The following LRRC49 variants were observed in gnomAD, a reference collection of about 807,000 sequenced individuals.
LRRC49 encodes leucine-rich repeat-containing protein 49.
A neutral mutation model predicts 83.3 loss-of-function variants in LRRC49; 50 were observed. The observed-to-expected ratio is 0.60, with a 90% CI of 0.48 to 0.76. The LOEUF is 0.76. Ranked by LOEUF, LRRC49 falls within the 30% of genes least tolerant of loss-of-function variation. LRRC49 has a pLI of 0.00. For synonymous variants in LRRC49, 286 were observed against 283.3 expected (o/e 1.01, Z -0.10); for missense variants, 704 against 809.1 (o/e 0.87, Z 1.58).
intron 3 of LRRC49, 138 bp from the exon 4 acceptor site, chr15:70,900,784 C>T: frequency 8.1e-6 from 5 of 614,640 alleles, no homozygotes; most frequent in Non-Finnish European, 1.5e-5. Flanking sequence ...TAATTAATTT[C>T]AAATATGGAG....
chr15:70,882,982 A>G (rs2033305088), intron 2 of LRRC49: 2 of 1,503,008 alleles, frequency 1.3e-6, no homozygotes, highest in Admixed American at 1.9e-5. Context: ...AGTTACAAGT[A>G]GTAAGACAGT....
At chr15:70,868,855 G>A (rs2141074458) in intron 1 of LRRC49, among the ~76,000 whole-genome samples, 1 of 152,334 alleles carries the variant, frequency 6.6e-6, no homozygotes, top group Non-Finnish European at 1.5e-5. Context: ...CATTGTGGGT[G>A]GTAGTACAAG....
chr15:71,032,972 C>T (rs531818725), intron 14 of LRRC49, among the ~76,000 whole-genome samples: 200 of 152,324 alleles, frequency 1.3e-3, no homozygotes, highest in African/African-American at 4.7e-3. Flanking sequence ...TGCCCTCTCT[C>T]ACTACTCCTA....
At chr15:71,029,322 T>C (rs2039275792) in intron 14 of LRRC49, among the ~76,000 whole-genome samples, 1 of 152,120 alleles carries the variant, frequency 6.6e-6, no homozygotes, top group Non-Finnish European at 1.5e-5. Context: ...ATTGTTCAAT[T>C]TCCATGTAGT....
At chr15:70,985,189 C>T (rs547062260) in intron 11 of LRRC49, among the ~76,000 whole-genome samples, 2 of 150,412 alleles carry the variant, frequency 1.3e-5, no homozygotes, top group African/African-American at 4.9e-5. Context: ...GTTCTAGATC[C>T]CTGAGGAATC....
chr15:70,980,699 T>G (rs543445438), intron 10 of LRRC49, among the ~76,000 whole-genome samples: 1 of 152,206 alleles, frequency 6.6e-6, no homozygotes, highest in Admixed American at 6.5e-5. Flanking sequence ...CAGATATTAA[T>G]TTCCTTAAAT....
intron 1 of LRRC49, among the ~76,000 whole-genome samples, chr15:70,863,700 T>A (rs779429419): frequency 2.7e-4 from 41 of 152,330 alleles, no homozygotes; most frequent in Admixed American, 4.6e-4. Flanking sequence ...GAGTAGCGTC[T>A]GATATGTGTT....
intron 7 of LRRC49, among the ~76,000 whole-genome samples, chr15:70,920,194 A>G (rs2034958478): frequency 6.6e-6 from 1 of 152,198 alleles, no homozygotes; most frequent in Non-Finnish European, 1.5e-5. Context: ...CTTGTAAAGA[A>G]CTAAGTGTAC....
intron 5 of LRRC49, among the ~76,000 whole-genome samples, chr15:70,908,930 T>C (rs2141118703): frequency 6.6e-6 from 1 of 152,350 alleles, no homozygotes; most frequent in Non-Finnish European, 1.5e-5. Flanking sequence ...TTAGCTTGTA[T>C]GATTAGAAGC....
intron 14 of LRRC49, among the ~76,000 whole-genome samples, chr15:71,018,797 C>G (rs1567101953): frequency 6.6e-6 from 1 of 152,164 alleles, no homozygotes; most frequent in Non-Finnish European, 1.5e-5. Flanking sequence ...CATCACATGC[C>G]AGTTGCAAGC....
chr15:70,940,508 G>T (rs2035774239), intron 8 of LRRC49, among the ~76,000 whole-genome samples: 1 of 152,182 alleles, frequency 6.6e-6, no homozygotes, highest in Non-Finnish European at 1.5e-5. Context: ...CTCCCAAAGT[G>T]CTGGGATTAC....
At chr15:70,943,884 G>C (rs2035911528) in intron 8 of LRRC49, among the ~76,000 whole-genome samples, 1 of 152,134 alleles carries the variant, frequency 6.6e-6, no homozygotes, top group East Asian at 1.9e-4. Flanking sequence ...ACAACTGCCT[G>C]ACCATCACCT....
At chr15:70,974,470 A>C (rs989839568) in intron 9 of LRRC49, among the ~76,000 whole-genome samples, 1 of 152,198 alleles carries the variant, frequency 6.6e-6, no homozygotes, top group African/African-American at 2.4e-5. Context: ...TTTTTCCTCC[A>C]GTCCATTCTA....
At chr15:70,914,036 T>TG (rs1423768585) in intron 6 of LRRC49, among the ~76,000 whole-genome samples, 6 of 151,856 alleles carry the variant, frequency 4.0e-5, no homozygotes, top group Admixed American at 6.6e-5. Flanking sequence ...AGTGCACAAA[T>TG]TACTTCTCAA....
chr15:70,882,685 G>C, intron 2 of LRRC49: 1 of 1,611,356 alleles, frequency 6.2e-7, no homozygotes, highest in South Asian at 1.1e-5. Flanking sequence ...CTATGAGTTA[G>C]ACTTTGCTTT....
chr15:71,040,062 CAA>C (rs1398839544), intron 15 of LRRC49, among the ~76,000 whole-genome samples: 1 of 152,062 alleles, frequency 6.6e-6, no homozygotes, highest in Non-Finnish European at 1.5e-5. Context: ...AAATGAATAA[CAA>C]ACATTATAGC....
Position 70,936,768 on chromosome 15 carries a change from T to C in LRRC49, c.719T>C (p.Val240Ala), listed in dbSNP as rs534825544. ...RHNQITFVRDVDNLPCLQHLF... is the reference protein window; with the variant it reads ...RHNQITFVRDADNLPCLQHLF... ...CTGTCTATTTTCTTCCAGAGAGATG[T>C]GGATAATTTGCCCTGCCTCCAACAT... Residue 240 changes from valine (V) to alanine (A), a missense_variant, in exon 8 of 16, where the codon GTG becomes GCG. Val to Ala is a moderately conservative substitution (Grantham distance 64). Around this residue, in one of 3 missense-constraint regions of LRRC49, gnomAD observed 261 missense variants for 330.5 expected, o/e 0.79. Coordinates refer to ENST00000260382, the MANE Select transcript of LRRC49 (RefSeq NM_017691.5). 1 of 1,607,122 alleles carries C rather than the reference T, an allele frequency of 6.2e-7. No individual in the cohort carries two copies. The highest frequency in any genetic ancestry group is 8.5e-7 in the Non-Finnish European group (1 of 1,174,040).
intron 1 of LRRC49, chr15:70,854,047 C>A: frequency 1.4e-6 from 2 of 1,428,560 alleles, no homozygotes; most frequent in South Asian, 1.4e-5. Flanking sequence ...TCTGCACCGC[C>A]GTCTTGGGCC....
chr15:70,882,798 T>G, intron 2 of LRRC49: 1 of 1,614,224 alleles, frequency 6.2e-7, no homozygotes, highest in South Asian at 1.1e-5. Context: ...AAGAAATTTG[T>G]GTACTTTTAT....
Sources: allele counts gnomAD v4.1 joint callset (sites outside exome capture counted in the v4.1 genomes callset), GRCh38; gene constraint gnomAD v4.1.1; regional missense constraint gnomAD v4.1.1; transcripts MANE v1.5; gene names NCBI Gene and HGNC (gene_info 2026-07-23, HGNC 2026-07-21).